The following ZNF385B variants were observed in gnomAD, a reference collection of about 807,000 sequenced individuals.
ZNF385B encodes zinc finger protein 385B, also known as zinc finger protein 533.
A neutral mutation model predicts 39.2 loss-of-function variants in ZNF385B; 23 were observed. The observed-to-expected ratio is 0.59, with a 90% CI of 0.42 to 0.83. The LOEUF (loss-of-function observed/expected upper bound fraction) is 0.83, where lower values mean the gene tolerates loss of function less well. Ranked by LOEUF, ZNF385B falls within the 40% of genes least tolerant of loss-of-function variation. ZNF385B has a pLI of 0.00. For missense variants in ZNF385B, 552 were observed against 598.9 expected, an observed-to-expected ratio of 0.92 and a Z score of 0.82; for synonymous variants, 205 against 222.6, an observed-to-expected ratio of 0.92 and a Z score of 0.70.
chr2:179,824,358 G>T (rs998844205), intron 1 of ZNF385B, among the ~76,000 whole-genome samples: 1 of 152,022 alleles, frequency 6.6e-6, no homozygotes, highest in Non-Finnish European at 1.5e-5. Context: ...AAAGAGAAAG[G>T]GTGCTTGGGA....
At chr2:179,699,789 A>G (rs6730056) in intron 3 of ZNF385B, among the ~76,000 whole-genome samples, 131,244 of 152,240 alleles carry the variant, frequency 0.86, 57,464 homozygotes, top group South Asian at 0.94. Context: ...GATGGCATAT[A>G]TTTGTGAGTA....
chr2:179,680,406 T>C (rs1697410372), intron 3 of ZNF385B, among the ~76,000 whole-genome samples: 1 of 152,152 alleles, frequency 6.6e-6, no homozygotes, highest in East Asian at 1.9e-4. Context: ...ATTCCATTTA[T>C]ATAAAAGTCA....
At chr2:179,625,313 G>C (rs1215621955) in intron 3 of ZNF385B, among the ~76,000 whole-genome samples, 2 of 151,998 alleles carry the variant, frequency 1.3e-5, no homozygotes, top group African/African-American at 4.8e-5. Flanking sequence ...ATAAGACTAA[G>C]AGAGAGAGAA....
chr2:179,689,791 G>A (rs1220172137), intron 3 of ZNF385B, among the ~76,000 whole-genome samples: 10 of 40,292 alleles, frequency 2.5e-4, no homozygotes, highest in African/African-American at 1.0e-3. Context: ...GCATGTGTGT[G>A]TGTGTGTGTG....
intron 3 of ZNF385B, among the ~76,000 whole-genome samples, chr2:179,765,832 T>C (rs1475277000): frequency 3.9e-5 from 6 of 152,166 alleles, no homozygotes; most frequent in Non-Finnish European, 1.5e-5. Flanking sequence ...TATTTCCACT[T>C]ACCCCTTGGA....
At chr2:179,587,605 T>C (rs1457924938) in intron 3 of ZNF385B, among the ~76,000 whole-genome samples, 1 of 152,220 alleles carries the variant, frequency 6.6e-6, no homozygotes, top group Non-Finnish European at 1.5e-5. Context: ...ATTTTAATAA[T>C]GCAGAGACTA....
intron 3 of ZNF385B, among the ~76,000 whole-genome samples, chr2:179,619,799 AT>A (rs1273050624): frequency 6.6e-6 from 1 of 152,236 alleles, no homozygotes; most frequent in Non-Finnish European, 1.5e-5. Flanking sequence ...TAGTATGTGT[AT>A]AAATACATAG....
At chr2:179,705,473 C>T (rs998629942) in intron 3 of ZNF385B, among the ~76,000 whole-genome samples, 1 of 152,220 alleles carries the variant, frequency 6.6e-6, no homozygotes, top group African/African-American at 2.4e-5. Context: ...TCCACATGGG[C>T]AGCCCATTTC....
chr2:179,542,137 T>C (rs1164478278), intron 4 of ZNF385B, among the ~76,000 whole-genome samples: 1 of 152,140 alleles, frequency 6.6e-6, no homozygotes, highest in East Asian at 1.9e-4. Context: ...TGACATTCCC[T>C]TAGGTATTCT....
chr2:179,646,502 C>T (rs1389939925), intron 3 of ZNF385B, among the ~76,000 whole-genome samples: 1 of 152,196 alleles, frequency 6.6e-6, no homozygotes, highest in Non-Finnish European at 1.5e-5. Flanking sequence ...ATTTTGAGCA[C>T]AGGAGGTGCT....
chr2:179,611,701 A>G (rs1444279170), intron 3 of ZNF385B, among the ~76,000 whole-genome samples: 3 of 152,044 alleles, frequency 2.0e-5, no homozygotes. Flanking sequence ...CTTTGATCTC[A>G]TTACTTGTTA....
intron 6 of ZNF385B, among the ~76,000 whole-genome samples, chr2:179,472,891 T>C (rs1207838537): frequency 2.0e-5 from 3 of 152,264 alleles, no homozygotes; most frequent in East Asian, 3.9e-4. Flanking sequence ...ATACTATGGC[T>C]GTACATACAG....
chr2:179,547,395 T>C (rs2060301323), intron 3 of ZNF385B, among the ~76,000 whole-genome samples: 2 of 149,736 alleles, frequency 1.3e-5, no homozygotes, highest in African/African-American at 5.0e-5. Flanking sequence ...TTTTTGTATA[T>C]GGTGACAGAT....
chr2:179,587,722 C>A (rs1157092564), intron 3 of ZNF385B, among the ~76,000 whole-genome samples: 1 of 152,100 alleles, frequency 6.6e-6, no homozygotes, highest in African/African-American at 2.4e-5. Context: ...ACATGTCCTA[C>A]AGATGGCAGA....
At chr2:179,601,527 CT>C (rs986584180) in intron 3 of ZNF385B, among the ~76,000 whole-genome samples, 11 of 152,128 alleles carry the variant, frequency 7.2e-5, no homozygotes, top group South Asian at 4.1e-4. Context: ...GCTAGTTCTA[CT>C]TTTTCATAGC....
chr2:179,666,951 G>A (rs1361054413), intron 3 of ZNF385B, among the ~76,000 whole-genome samples: 1 of 151,944 alleles, frequency 6.6e-6, no homozygotes, highest in Non-Finnish European at 1.5e-5. Context: ...GTTATTTTTT[G>A]AAGATTATCA....
intron 3 of ZNF385B, among the ~76,000 whole-genome samples, chr2:179,585,196 G>A (rs1485007221): frequency 6.6e-6 from 1 of 152,172 alleles, no homozygotes; most frequent in Non-Finnish European, 1.5e-5. Context: ...AGTGCTTATG[G>A]TAGGATAAGT....
At position 179,696,411 on chromosome 2, in the gene ZNF385B, A is replaced by G. The variant is rs1388458653; in HGVS notation, c.298+73092T>C. Among the ~76,000 whole-genome samples, 3 of 129,642 alleles carry G rather than the reference A, an allele frequency of 2.3e-5. No individual in the cohort carries two copies. The East Asian group carries it at 7.8e-4, about 34-fold the overall frequency. 85.1% of individuals were successfully genotyped at this position (129,642 alleles called of 152,430 possible). On this transcript the variant is annotated intron_variant, in intron 3 of 9. Transcript: ENST00000410066. ...TCTAACCTCACCCAAGTGTCTGACC[A>G]ACTACTTTCCACTCTTCTGGAGAAG...
At chr2:179,794,007 GAAC>G (rs1236126873) in intron 1 of ZNF385B, among the ~76,000 whole-genome samples, 2 of 152,214 alleles carry the variant, frequency 1.3e-5, no homozygotes, top group Non-Finnish European at 2.9e-5. Flanking sequence ...GGAGAGGAAA[GAAC>G]AACATTTTGG....
Sources: gnomAD v4.1 joint callset for allele counts (sites outside exome capture counted in the v4.1 genomes callset) on GRCh38, gnomAD v4.1.1 for gene constraint, MANE v1.5 for transcripts, NCBI Gene and HGNC (gene_info 2026-07-23, HGNC 2026-07-21) for gene names.